DSCAM: variants seen among roughly 807,000 people sequenced by gnomAD.
The protein encoded by DSCAM is cell adhesion molecule DSCAM.
Under a neutral mutation model 217.7 loss-of-function variants are expected in DSCAM, and 47 were observed. That is an observed-to-expected ratio of 0.22 (90% CI 0.17 to 0.28). The LOEUF (loss-of-function observed/expected upper bound fraction) is 0.28, where lower values mean the gene tolerates loss of function less well. DSCAM is among the 10% of genes least tolerant of loss of function. DSCAM has a pLI of 1.00. For synonymous variants in DSCAM, 1,056 were observed against 1,015.3 expected (o/e 1.04, Z -0.76); for missense variants, 2,080 against 2,618.3 (o/e 0.79, Z 4.49).
chr21:40,561,411 C>A (rs571289051), intron 3 of DSCAM, among the ~76,000 whole-genome samples: 1 of 152,154 alleles, frequency 6.6e-6, no homozygotes, highest in Non-Finnish European at 1.5e-5. Flanking sequence ...ATTTTCTCAC[C>A]GGCAGAAAGT....
intron 3 of DSCAM, among the ~76,000 whole-genome samples, chr21:40,472,589 C>A (rs2075898001): frequency 6.6e-6 from 1 of 152,066 alleles, no homozygotes; most frequent in African/African-American, 2.4e-5. Flanking sequence ...TTTGTAATGA[C>A]CAAAATCATT....
At chr21:40,124,820 T>C (rs1397706042) in intron 19 of DSCAM, among the ~76,000 whole-genome samples, 1 of 152,196 alleles carries the variant, frequency 6.6e-6, no homozygotes, top group East Asian at 1.9e-4. Context: ...TTGGAGTCTG[T>C]GGTCCTTTGT....
At chr21:40,297,010 C>G (rs530543593) in intron 9 of DSCAM, among the ~76,000 whole-genome samples, 88 of 152,162 alleles carry the variant, frequency 5.8e-4, no homozygotes, top group Middle Eastern at 3.4e-3. Context: ...ATCGAGAATA[C>G]AATGTGGGAC....
chr21:40,142,458 C>T (rs771961408), intron 18 of DSCAM, 100 bp downstream of exon 18: 11 of 1,338,686 alleles, frequency 8.2e-6, no homozygotes, highest in South Asian at 3.0e-5. Flanking sequence ...AAGAGGTGCC[C>T]GCCATATCCT....
chr21:40,606,311 G>C (rs1444293797), intron 3 of DSCAM, among the ~76,000 whole-genome samples: 1 of 152,256 alleles, frequency 6.6e-6, no homozygotes, highest in South Asian at 2.1e-4. Flanking sequence ...CTGGAGTGAA[G>C]AGCACCAAAG....
At chr21:40,253,716 T>C (rs1014244009) in intron 11 of DSCAM, among the ~76,000 whole-genome samples, 19 of 152,252 alleles carry the variant, frequency 1.2e-4, no homozygotes, top group Admixed American at 3.9e-4. Flanking sequence ...GACAGCTTCC[T>C]GGTTGGTGAA....
chr21:40,403,031 T>C, intron 3 of DSCAM, among the ~76,000 whole-genome samples: 1 of 152,048 alleles, frequency 6.6e-6, no homozygotes, highest in East Asian at 1.9e-4. Flanking sequence ...TTTCCCAATA[T>C]CCTTCACTAG....
At chr21:40,137,612 C>T (rs532130135) in intron 18 of DSCAM, among the ~76,000 whole-genome samples, 16,822 of 109,522 alleles carry the variant, frequency 0.15, 1,300 homozygotes, top group East Asian at 0.35. Context: ...CACACACACA[C>T]ACACACACAC....
chr21:40,189,189 C>G lies in DSCAM; in HGVS notation c.2406G>C (p.Gly802=). 6.2e-7 allele frequency: 1 copy of G among 1,612,882 alleles called. No individual in the cohort carries two copies. Among genetic ancestry groups the G allele is most frequent in the Non-Finnish European group, 8.5e-7 (1 of 1,179,632 alleles). The change falls in exon 12 of 33, where the codon GGG becomes GGC. Residue 802 remains glycine (G), a synonymous_variant. Transcript: ENST00000400454. ...SYPNTTLATQ[G]QKKEMSCTAH... The stretch of plus-strand genomic sequence containing the variant: ...CCGTGCAGCTCATCTCCTTTTTCTG[C>G]CCCTGCGTGGCCAGGGTAGTATTTG...
chr21:40,197,396 G>A (rs1219472019), intron 11 of DSCAM, among the ~76,000 whole-genome samples: 1 of 152,116 alleles, frequency 6.6e-6, no homozygotes, highest in African/African-American at 2.4e-5. Flanking sequence ...GGGATTACAG[G>A]CGTGAGCCAC....
intron 3 of DSCAM, among the ~76,000 whole-genome samples, chr21:40,652,503 C>T (rs533692462): frequency 3.0e-4 from 45 of 152,230 alleles, no homozygotes; most frequent in Admixed American, 9.8e-4. Flanking sequence ...GACTGAATAA[C>T]GAGCCCATGG....
chr21:40,051,197 A>G (rs1395910624), intron 30 of DSCAM, among the ~76,000 whole-genome samples: 1 of 152,246 alleles, frequency 6.6e-6, no homozygotes, highest in Non-Finnish European at 1.5e-5. Context: ...AAAGTTTCCA[A>G]AATGATAATA....
rs78136245 is a variant in DSCAM, at chr21:40,088,786, G to A, written c.3851-1499C>T. 1.7e-3 allele frequency among the ~76,000 whole-genome samples: 259 copies of A among 152,272 alleles called. 1 individual carries two copies. The highest frequency in any genetic ancestry group is 5.8e-3 in the African/African-American group (243 of 41,568). On this transcript the variant is annotated intron_variant, in intron 21 of 32. Coordinates refer to ENST00000400454, the MANE Select transcript of DSCAM (RefSeq NM_001389.5). ...GAGAATGTCCTCAGCAGTAAAAGGCGGGTGGCTAGAGAAATTCAGCTAGAG... is the reference window on the plus strand; with the variant it reads ...GAGAATGTCCTCAGCAGTAAAAGGCAGGTGGCTAGAGAAATTCAGCTAGAG...
rs756072870 is a variant in DSCAM, at chr21:40,245,479, C to T, written c.2356+30618G>A. On this transcript the variant is annotated intron_variant, in intron 11 of 32. Transcript: ENST00000400454. ...GCTGGGTGATTTCGCATGAGGTTCCCGGGGCTGGGATGGCTTCTGAAGATG... is the reference window on the plus strand; with the variant it reads ...GCTGGGTGATTTCGCATGAGGTTCCTGGGGCTGGGATGGCTTCTGAAGATG... 1.6e-4 allele frequency among the ~76,000 whole-genome samples: 25 copies of T among 152,232 alleles called. 1 individual carries two copies. The highest frequency in any genetic ancestry group is 4.1e-4 in the South Asian group (2 of 4,824).
chr21:40,178,450 T>C (rs1016531019), intron 15 of DSCAM, among the ~76,000 whole-genome samples: 4 of 152,232 alleles, frequency 2.6e-5, no homozygotes, highest in Non-Finnish European at 5.9e-5. Context: ...TATTTTTAAA[T>C]ATTGATGTTT....
chr21:40,698,927 T>A (rs545352022), intron 2 of DSCAM, among the ~76,000 whole-genome samples: 1 of 149,082 alleles, frequency 6.7e-6, no homozygotes, highest in East Asian at 2.0e-4. Context: ...TGTCTCTGAG[T>A]CCATTCTTTG....
intron 11 of DSCAM, among the ~76,000 whole-genome samples, chr21:40,268,922 C>T (rs1049157202): frequency 4.6e-5 from 7 of 152,134 alleles, no homozygotes; most frequent in Non-Finnish European, 8.8e-5. Context: ...TGCCCAGGTC[C>T]GAGTGCTGCC....
chr21:40,659,054 C>A (rs1325514628), intron 3 of DSCAM, among the ~76,000 whole-genome samples: 1 of 152,066 alleles, frequency 6.6e-6, no homozygotes, highest in Non-Finnish European at 1.5e-5. Flanking sequence ...TCTTGGGATA[C>A]CAGGATTGCA....
chr21:40,349,157 A>AAAAAAAAAAAAAAAAAAAAAAAAT (rs2074601658), intron 5 of DSCAM, among the ~76,000 whole-genome samples: 1 of 148,462 alleles, frequency 6.7e-6, no homozygotes. Context: ...AAAAAAAAAG[A>AAAAAAAAAAAAAAAAAAAAAAAAT]AATGCAACAT....
Sources: gnomAD v4.1 joint callset for allele counts (sites outside exome capture counted in the v4.1 genomes callset) on GRCh38, gnomAD v4.1.1 for gene constraint, MANE v1.5 for transcripts, NCBI Gene and HGNC (gene_info 2026-07-23, HGNC 2026-07-21) for gene names.